HTR2C: variants seen among roughly 807,000 people sequenced by gnomAD.
HTR2C encodes 5-hydroxytryptamine receptor 2C.
In HTR2C, 5 loss-of-function variants were observed where a neutral mutation model predicts 21.0. The observed-to-expected ratio is 0.24, with a 90% CI of 0.12 to 0.50. The LOEUF (loss-of-function observed/expected upper bound fraction) is 0.50. Ranked by LOEUF, HTR2C falls within the 20% of genes least tolerant of loss-of-function variation. The pLI, the probability that HTR2C is intolerant of heterozygous loss-of-function variation, is 0.98. For synonymous variants in HTR2C, 150 were observed against 145.3 expected (o/e 1.03, Z -0.23); for missense variants, 271 against 371.2 (o/e 0.73, Z 2.22).
chrX:114,699,783 C>A (rs1932402245), intron 2 of HTR2C, among the ~76,000 whole-genome samples: 1 of 111,812 alleles, frequency 8.9e-6, no homozygotes, highest in Non-Finnish European at 1.9e-5. Flanking sequence ...TTTGAAAAAC[C>A]TTTCCATAGC....
At chrX:114,730,023 A>G (rs1300592986) in intron 3 of HTR2C, among the ~76,000 whole-genome samples, 2 of 111,878 alleles carry the variant, frequency 1.8e-5, no homozygotes, top group African/African-American at 3.2e-5. Flanking sequence ...TTAAATAACT[A>G]TTACTACACA....
At chrX:114,840,742 T>A (rs1349636336) in intron 4 of HTR2C, among the ~76,000 whole-genome samples, 1 of 111,835 alleles carries the variant, frequency 8.9e-6, no homozygotes, top group Non-Finnish European at 1.9e-5. Context: ...ACTATCCAAA[T>A]ATGTATAAAT....
At chrX:114,652,789 G>A (rs1168717394) in intron 2 of HTR2C, 3 of 272,879 alleles carry the variant, frequency 1.1e-5, no homozygotes, top group Admixed American at 6.8e-5. Context: ...AATATAAGGA[G>A]AATGCACAAG....
chrX:114,695,618 G>A (rs189841818), intron 2 of HTR2C, among the ~76,000 whole-genome samples: 8 of 111,771 alleles, frequency 7.2e-5, no homozygotes, highest in African/African-American at 2.6e-4. Flanking sequence ...ATCTTTTGAA[G>A]AGCCATGAAT....
chrX:114,856,994 T>A (rs1178539135), intron 5 of HTR2C, among the ~76,000 whole-genome samples: 3 of 111,662 alleles, frequency 2.7e-5, no homozygotes, highest in Non-Finnish European at 5.7e-5. Flanking sequence ...CAGAGATACA[T>A]AAATGTTCAT....
At chrX:114,807,192 CCATATATATATACA>C (rs1556450650) in intron 4 of HTR2C, among the ~76,000 whole-genome samples, 4 of 1,154 alleles carry the variant, frequency 3.5e-3, no homozygotes, top group Non-Finnish European at 0.012. Context: ...TATATATACA[CCATATATATATACA>C]CCATATATAT....
chrX:114,805,706 T>C (rs200849764), intron 4 of HTR2C, among the ~76,000 whole-genome samples: 157 of 5,874 alleles, frequency 0.027, 45 homozygotes, highest in African/African-American at 0.064. Context: ...ACCATATATA[T>C]ACCATATATA....
chrX:114,814,867 A>G (rs957263331), intron 4 of HTR2C, among the ~76,000 whole-genome samples: 9 of 101,311 alleles, frequency 8.9e-5, no homozygotes, highest in Admixed American at 2.3e-4. Flanking sequence ...TATAGTATAT[A>G]TGATATATAC....
At chrX:114,707,493 A>G (rs1556418485) in intron 2 of HTR2C, among the ~76,000 whole-genome samples, 1 of 111,954 alleles carries the variant, frequency 8.9e-6, no homozygotes, top group East Asian at 2.8e-4. Context: ...ATGAGACTAT[A>G]AAACCTAAAG....
chrX:114,867,117 C>A (rs781851666), intron 5 of HTR2C, among the ~76,000 whole-genome samples: 22 of 111,919 alleles, frequency 2.0e-4, no homozygotes, highest in Non-Finnish European at 4.1e-4. Flanking sequence ...TACATTCCCA[C>A]CAACAGTGTT....
At chrX:114,605,506 G>T (rs1928373938) in intron 1 of HTR2C, among the ~76,000 whole-genome samples, 2 of 110,620 alleles carry the variant, frequency 1.8e-5, no homozygotes, top group Non-Finnish European at 3.8e-5. Flanking sequence ...GACTAGGAAG[G>T]GACTGACGTG....
intron 2 of HTR2C, among the ~76,000 whole-genome samples, chrX:114,681,711 G>T (rs782684803): frequency 2.1e-4 from 23 of 111,668 alleles, no homozygotes; most frequent in African/African-American, 7.5e-4. Flanking sequence ...CTAATCTCTA[G>T]ATTACCAAAT....
intron 2 of HTR2C, among the ~76,000 whole-genome samples, chrX:114,714,648 C>G (rs1460666451): frequency 8.9e-6 from 1 of 112,157 alleles, no homozygotes; most frequent in African/African-American, 3.2e-5. Context: ...TTAATTGTAA[C>G]CAAACTCAGC....
At chrX:114,874,505 T>C (rs782439359) in intron 5 of HTR2C, among the ~76,000 whole-genome samples, 6 of 110,435 alleles carry the variant, frequency 5.4e-5, no homozygotes, top group Non-Finnish European at 7.6e-5. Context: ...CAGCTCAATA[T>C]GGTTTTGTAT....
intron 1 of HTR2C, among the ~76,000 whole-genome samples, chrX:114,595,945 G>T (rs1193818237): frequency 8.9e-6 from 1 of 112,060 alleles, no homozygotes; most frequent in Non-Finnish European, 1.9e-5. Context: ...TCAAAAGAGT[G>T]CTTCAACTTA....
chrX:114,638,089 A>G (rs1378096900), intron 2 of HTR2C, among the ~76,000 whole-genome samples: 1 of 111,416 alleles, frequency 9.0e-6, no homozygotes, highest in East Asian at 2.8e-4. Context: ...TGTAGAAAGA[A>G]ATGACTCAGG....
chrX:114,723,125 G>A (rs1556421085), intron 2 of HTR2C, among the ~76,000 whole-genome samples: 1 of 111,180 alleles, frequency 9.0e-6, no homozygotes, highest in Non-Finnish European at 1.9e-5. Flanking sequence ...GTAGAATTTG[G>A]CTGTGAATCC....
At chrX:114,840,951 G>A (rs1438687859) in intron 4 of HTR2C, among the ~76,000 whole-genome samples, 1 of 111,475 alleles carries the variant, frequency 9.0e-6, no homozygotes, top group Admixed American at 9.5e-5. Flanking sequence ...CACATTAAAA[G>A]TAGAGGGGTT....
At chrX:114,885,265 A>G (rs1602914347) in intron 5 of HTR2C, among the ~76,000 whole-genome samples, 1 of 111,789 alleles carries the variant, frequency 8.9e-6, no homozygotes, top group East Asian at 2.8e-4. Context: ...TTCCTTTTCT[A>G]TGTTTAGATA....
Sources: gnomAD v4.1 joint callset for allele counts (sites outside exome capture counted in the v4.1 genomes callset) on GRCh38, gnomAD v4.1.1 for gene constraint, MANE v1.5 for transcripts, NCBI Gene and HGNC (gene_info 2026-07-23, HGNC 2026-07-21) for gene names.